Variants in CSMD1 observed in about 807,000 individuals in gnomAD.
CSMD1 encodes the protein CUB and sushi domain-containing protein 1.
Under a neutral mutation model 417.5 loss-of-function variants are expected in CSMD1, and 213 were observed. The observed-to-expected ratio is 0.51, with a 90% CI of 0.46 to 0.57. The LOEUF is 0.57. Among genes scored for constraint, CSMD1 ranks in the 20% least tolerant of loss-of-function variants. The probability of loss-of-function intolerance (pLI) is 0.00; values close to 1 mark genes in which losing one functional copy is unlikely to be tolerated. For missense variants in CSMD1, 6,923 were observed against 4,529.7 expected (o/e 1.53, Z -15.17); for synonymous variants, 2,862 against 1,736.8 (o/e 1.65, Z -16.11).
chr8:3,850,282 G>A (rs1373338698), intron 5 of CSMD1, among the ~76,000 whole-genome samples: 4 of 152,204 alleles, frequency 2.6e-5, no homozygotes, highest in African/African-American at 7.2e-5. Context: ...TATGTGCACA[G>A]TGTTCTCTAT....
At chr8:3,166,060 AATATG>A (rs1187648743) in intron 37 of CSMD1, among the ~76,000 whole-genome samples, 2 of 152,140 alleles carry the variant, frequency 1.3e-5, no homozygotes, top group Non-Finnish European at 2.9e-5. Context: ...ATGTGAAACA[AATATG>A]ATATGATAGG....
chr8:3,791,630 C>T (rs1029117510), intron 5 of CSMD1, among the ~76,000 whole-genome samples: 2 of 152,136 alleles, frequency 1.3e-5, no homozygotes, highest in Non-Finnish European at 2.9e-5. Context: ...TCAAGACCAG[C>T]CTGGTCAGCA....
At chr8:4,381,524 T>G (rs185021853) in intron 3 of CSMD1, among the ~76,000 whole-genome samples, 1 of 152,122 alleles carries the variant, frequency 6.6e-6, no homozygotes, top group Admixed American at 6.5e-5. Context: ...GTCATTATAT[T>G]GAGGTTGGTA....
chr8:3,870,549 T>C (rs766563919), intron 5 of CSMD1, among the ~76,000 whole-genome samples: 37 of 152,134 alleles, frequency 2.4e-4, no homozygotes, highest in Non-Finnish European at 4.7e-4. Flanking sequence ...CCTCCAGAAA[T>C]GTCCAGCCAT....
At position 4,860,577 on chromosome 8, in the gene CSMD1, T is replaced by C. The variant is rs977744297; in HGVS notation, c.85+133755A>G. Among the ~76,000 whole-genome samples the C allele has an allele frequency of 3.9e-5, 6 of 152,180 alleles. No homozygotes were observed. In the South Asian group the frequency reaches 6.2e-4, roughly 16 times the overall value. ...CATGCTTTCTGTACAGCCTGCAGAA[T>C]CATGAGCCAATTAAAACTCTCTTCT... On this transcript the variant is annotated intron_variant, in intron 1 of 69. Coordinates refer to ENST00000635120, the MANE Select transcript of CSMD1 (RefSeq NM_033225.6).
At chr8:3,499,978 G>A (rs1362690891) in intron 10 of CSMD1, among the ~76,000 whole-genome samples, 1 of 152,090 alleles carries the variant, frequency 6.6e-6, no homozygotes, top group African/African-American at 2.4e-5. Flanking sequence ...CCCTACCCTT[G>A]GCTCAGGGCC....
chr8:4,308,058 C>G (rs1386986378), intron 3 of CSMD1, among the ~76,000 whole-genome samples: 1 of 152,130 alleles, frequency 6.6e-6, no homozygotes, highest in Non-Finnish European at 1.5e-5. Flanking sequence ...TGACTTTCAG[C>G]CTCAGTTACA....
chr8:4,959,968 G>A (rs917881461), intron 1 of CSMD1, among the ~76,000 whole-genome samples: 16 of 152,122 alleles, frequency 1.1e-4, no homozygotes, highest in Admixed American at 1.0e-3. Flanking sequence ...ATAGGAAAAT[G>A]TATTTTGTTA....
intron 1 of CSMD1, among the ~76,000 whole-genome samples, chr8:4,670,552 C>G (rs889775751): frequency 6.6e-6 from 1 of 152,116 alleles, no homozygotes; most frequent in South Asian, 2.1e-4. Context: ...ATATTCTGAT[C>G]GTTACCCTTA....
rs193019040 is a variant in CSMD1 at position 3,325,422 on chromosome 8, T to A, written c.3632-16919A>T. ...CTTAAGTCGTAAGCCTTGAGTTGGATCCTCATAATTACATTATTTATGTCA... is the reference window on the plus strand; with the variant it reads ...CTTAAGTCGTAAGCCTTGAGTTGGAACCTCATAATTACATTATTTATGTCA... On this transcript the variant is annotated intron_variant, in intron 23 of 69. Coordinates refer to ENST00000635120, the MANE Select transcript of CSMD1 (RefSeq NM_033225.6). Among the ~76,000 whole-genome samples, 56 of 152,368 alleles carry A rather than the reference T, an allele frequency of 3.7e-4. No individual in the cohort carries two copies. The East Asian group carries it at 0.01, about 28-fold the overall frequency.
chr8:3,587,135 T>G (rs1391469141), intron 8 of CSMD1, among the ~76,000 whole-genome samples: 2 of 152,186 alleles, frequency 1.3e-5, no homozygotes, highest in African/African-American at 4.8e-5. Flanking sequence ...CAGCCTGGAT[T>G]TAGAGAAAAA....
chr8:3,253,317 GTT>G (rs1261555929), intron 26 of CSMD1, among the ~76,000 whole-genome samples: 1 of 152,148 alleles, frequency 6.6e-6, no homozygotes, highest in Non-Finnish European at 1.5e-5. Context: ...AGGTCGTTCA[GTT>G]TCCATGTAGT....
chr8:3,465,450 C>T (rs2117173032), intron 12 of CSMD1, among the ~76,000 whole-genome samples: 1 of 152,242 alleles, frequency 6.6e-6, no homozygotes, highest in Non-Finnish European at 1.5e-5. Context: ...ACCCAAGGTC[C>T]TCCTGGTCCA....
Position 3,863,980 on chromosome 8 carries a change from C to T in CSMD1, c.819-109938G>A, listed in dbSNP as rs948541551. Among the ~76,000 whole-genome samples, 3 of 152,110 alleles carry T rather than the reference C, an allele frequency of 2.0e-5. No individual in the cohort carries two copies. The East Asian group carries it at 5.8e-4, about 29-fold the overall frequency. ...TGATTCTTTTTCCTGAGGCTGCAGT[C>T]TAGGTTTGTAGAAAATTCATAAGGC... On this transcript the variant is annotated intron_variant, in intron 5 of 69. Coordinates refer to ENST00000635120, the MANE Select transcript of CSMD1 (RefSeq NM_033225.6).
chr8:3,101,223 G>T (rs1815716176), intron 46 of CSMD1, among the ~76,000 whole-genome samples: 1 of 152,140 alleles, frequency 6.6e-6, no homozygotes. Context: ...CACCCTGAGA[G>T]CAAGCAGTAG....
chr8:4,332,154 G>T (rs912194228), intron 3 of CSMD1, among the ~76,000 whole-genome samples: 2 of 152,078 alleles, frequency 1.3e-5, no homozygotes, highest in Admixed American at 1.3e-4. Flanking sequence ...AAGTTGCTTA[G>T]GTCATGGAGC....
chr8:3,109,985 C>A (rs1816395395), intron 43 of CSMD1, among the ~76,000 whole-genome samples, 173 bp downstream of exon 43: 1 of 152,176 alleles, frequency 6.6e-6, no homozygotes, highest in South Asian at 2.1e-4. Context: ...GCAAAACCCA[C>A]ATGTACTATG....
chr8:3,680,398 A>G (rs924414341), intron 7 of CSMD1, among the ~76,000 whole-genome samples: 2 of 152,186 alleles, frequency 1.3e-5, no homozygotes, highest in Non-Finnish European at 2.9e-5. Flanking sequence ...ATCAGAGAAT[A>G]CTATTAACAC....
intron 3 of CSMD1, among the ~76,000 whole-genome samples, chr8:4,260,065 C>G (rs1054656347): frequency 6.6e-6 from 1 of 151,200 alleles, no homozygotes; most frequent in Non-Finnish European, 1.5e-5. Flanking sequence ...GAAGTGTTGT[C>G]TTAGAGATCA....
Sources: allele counts gnomAD v4.1 joint callset (sites outside exome capture counted in the v4.1 genomes callset), GRCh38; gene constraint gnomAD v4.1.1; transcripts MANE v1.5; gene names NCBI Gene and HGNC (gene_info 2026-07-23, HGNC 2026-07-21).